Variants in CHODL observed in about 807,000 individuals in gnomAD.
CHODL encodes the protein transmembrane protein MT75.
In CHODL, 29 loss-of-function variants were observed where a neutral mutation model predicts 34.5. That is an observed-to-expected ratio of 0.84 (90% confidence interval 0.63 to 1.15). CHODL has a LOEUF of 1.15. Ranked by LOEUF, CHODL falls within the 50% of genes most tolerant of loss-of-function variation. The pLI is 0.00. For synonymous variants in CHODL, 125 were observed against 116.1 expected (o/e 1.08, Z -0.49); for missense variants, 332 against 332.5 (o/e 1.00, Z 0.01).
At chr21:18,062,503 C>T (rs565414104) in intron 2 of CHODL, among the ~76,000 whole-genome samples, 5 of 152,108 alleles carry the variant, frequency 3.3e-5, no homozygotes, top group African/African-American at 1.2e-4. Context: ...TGGTGGCTCA[C>T]GACTGTAATC....
At chr21:18,247,810 A>G (rs1432187742) in intron 1 of CHODL, among the ~76,000 whole-genome samples, 3 of 152,152 alleles carry the variant, frequency 2.0e-5, no homozygotes, top group African/African-American at 7.2e-5. Flanking sequence ...GAGAATATCT[A>G]TGGGAGCTGC....
chr21:17,999,173 T>C (rs1323804860), intron 1 of CHODL, among the ~76,000 whole-genome samples: 1 of 152,178 alleles, frequency 6.6e-6, no homozygotes, highest in Non-Finnish European at 1.5e-5. Flanking sequence ...ATGCCACCAG[T>C]CTCTTTGCTA....
chr21:18,145,198 A>C (rs946087474), intron 2 of CHODL, among the ~76,000 whole-genome samples: 9 of 151,018 alleles, frequency 6.0e-5, no homozygotes, highest in Non-Finnish European at 1.0e-4. Flanking sequence ...GCACTTTGGG[A>C]GGCCGAGACT....
intron 2 of CHODL, among the ~76,000 whole-genome samples, chr21:18,212,240 A>T (rs2073781756): frequency 6.6e-6 from 1 of 152,156 alleles, no homozygotes; most frequent in Non-Finnish European, 1.5e-5. Context: ...CTGCCCAAAC[A>T]ATATCATAGT....
At position 18,011,826 on chromosome 21, in the gene CHODL, A is replaced by G. The variant is rs558520354; in HGVS notation, c.-144-16046A>G. Among the ~76,000 whole-genome samples the G allele has an allele frequency of 2.0e-5, 3 of 152,306 alleles. No individual in the cohort carries two copies. The East Asian group carries it at 5.8e-4, about 29-fold the overall frequency. ...TTTGGTGAAGCAGATTTGCCAAGAG[A>G]GACTTTGCAGACTCCACAGATGTTG... On this transcript the variant is annotated intron_variant, in intron 1 of 6. Transcript: ENST00000400127.
intron 2 of CHODL, among the ~76,000 whole-genome samples, chr21:18,173,655 C>T (rs577257877): frequency 6.6e-6 from 1 of 152,044 alleles, no homozygotes; most frequent in Non-Finnish European, 1.5e-5. Flanking sequence ...ATTCTGCTCT[C>T]AAGGCCTTAG....
intron 2 of CHODL, among the ~76,000 whole-genome samples, chr21:18,056,445 T>C (rs1017526326): frequency 5.9e-5 from 9 of 151,500 alleles, no homozygotes; most frequent in African/African-American, 2.2e-4. Context: ...AAATTTACAA[T>C]GATGTGCATT....
At chr21:18,095,644 A>G (rs897926140) in intron 2 of CHODL, among the ~76,000 whole-genome samples, 1 of 152,146 alleles carries the variant, frequency 6.6e-6, no homozygotes, top group African/African-American at 2.4e-5. Context: ...GTATTTCCAA[A>G]CTCATTCTAC....
chr21:18,155,988 A>C (rs1435917041), intron 2 of CHODL, among the ~76,000 whole-genome samples: 1 of 152,238 alleles, frequency 6.6e-6, no homozygotes, highest in East Asian at 1.9e-4. Context: ...TACTCAAGTC[A>C]GAAGCCAAGT....
chr21:18,193,757 TA>T (rs937290024), intron 2 of CHODL, among the ~76,000 whole-genome samples: 2 of 148,898 alleles, frequency 1.3e-5, no homozygotes. Context: ...AAAATAAACT[TA>T]AAAAAAAGTC....
chr21:18,134,335 T>A, intron 2 of CHODL: 2 of 517,710 alleles, frequency 3.9e-6, no homozygotes, highest in South Asian at 2.8e-5. Flanking sequence ...TAAACAGTGG[T>A]GACTTCACTT....
intron 1 of CHODL, among the ~76,000 whole-genome samples, chr21:17,949,195 A>T (rs1319370888): frequency 1.3e-5 from 2 of 152,162 alleles, no homozygotes; most frequent in Non-Finnish European, 2.9e-5. Context: ...TTCTAGAAAG[A>T]AATGGATTCC....
intron 2 of CHODL, among the ~76,000 whole-genome samples, chr21:18,173,356 T>C (rs548868561): frequency 3.3e-5 from 5 of 152,190 alleles, no homozygotes; most frequent in Non-Finnish European, 7.3e-5. Flanking sequence ...TCACGGGCCA[T>C]TGAGATTGTC....
intron 2 of CHODL, among the ~76,000 whole-genome samples, chr21:18,201,225 A>T (rs920603718): frequency 2.6e-5 from 4 of 152,154 alleles, no homozygotes; most frequent in African/African-American, 9.7e-5. Context: ...ATTTTTTGTT[A>T]TTGGCAATTA....
At chr21:18,150,728 C>A (rs1018796179) in intron 2 of CHODL, among the ~76,000 whole-genome samples, 5 of 152,112 alleles carry the variant, frequency 3.3e-5, no homozygotes, top group African/African-American at 9.7e-5. Flanking sequence ...CCAAGACAGG[C>A]CATAGAAACT....
intron 2 of CHODL, among the ~76,000 whole-genome samples, chr21:18,113,586 A>G (rs1259571424): frequency 6.6e-6 from 1 of 152,186 alleles, no homozygotes; most frequent in African/African-American, 2.4e-5. Context: ...AGAGTGGGGA[A>G]GTGCTACTGC....
At position 18,266,266 on chromosome 21, in the gene CHODL, C is replaced by T; in HGVS notation, c.*228C>T. 3 of 1,404,368 alleles carry T rather than the reference C, an allele frequency of 2.1e-6. No individual in the cohort carries two copies. The highest frequency in any genetic ancestry group is 1.5e-5 in the South Asian group (1 of 66,072). 87.0% of individuals were successfully genotyped at this position (1,404,368 alleles called of 1,614,324 possible). A position where few individuals can be genotyped will look rare whatever the true frequency, so the allele number is the denominator to read the frequency against. On this transcript the variant is annotated 3_prime_UTR_variant, in exon 6 of 6. Coordinates refer to ENST00000299295, the MANE Select transcript of CHODL (RefSeq NM_024944.3). ...ATGCTTATTTTGCTAAAGGATGCAC[C>T]CAAACTTCAAACTTCAAGCAAATGA...
At chr21:18,244,539 T>C (rs2074112751), upstream of CHODL, among the ~76,000 whole-genome samples, 1 of 152,220 alleles carries the variant, frequency 6.6e-6, no homozygotes, top group South Asian at 2.1e-4. Context: ...TAGACATTTA[T>C]CTTTGAGAAA....
intron 2 of CHODL, among the ~76,000 whole-genome samples, chr21:18,154,037 T>G (rs1337083930): frequency 1.3e-5 from 2 of 152,174 alleles, no homozygotes; most frequent in Non-Finnish European, 1.5e-5. Context: ...GAGATGTTTA[T>G]GTGTCTCAGA....
Sources: gnomAD v4.1 joint callset for allele counts (sites outside exome capture counted in the v4.1 genomes callset) on GRCh38, gnomAD v4.1.1 for gene constraint, MANE v1.5 for transcripts, NCBI Gene and HGNC (gene_info 2026-07-23, HGNC 2026-07-21) for gene names.